The following FBXW10B variants were observed in gnomAD, a reference collection of about 807,000 sequenced individuals.
FBXW10B encodes F-box and WD repeat domain containing 10B.
chr17:15,613,267 T>C, the FBXW10B span, among the ~76,000 whole-genome samples: 3 of 150,452 alleles, frequency 2.0e-5, no homozygotes, highest in East Asian at 1.9e-4. Context: ...GTGCTCCATA[T>C]GAGGTTGATG....
chr17:15,614,252 G>T, the FBXW10B span, among the ~76,000 whole-genome samples: 3 of 152,042 alleles, frequency 2.0e-5, no homozygotes, highest in South Asian at 2.1e-4. Context: ...GTAGTGGCGC[G>T]ATCTCGGCTC....
the FBXW10B span, among the ~76,000 whole-genome samples, chr17:15,586,125 C>T: frequency 4.6e-5 from 7 of 151,638 alleles, no homozygotes; most frequent in East Asian, 1.9e-4. Flanking sequence ...CCAATTGAGA[C>T]GTCTATGGTA....
chr17:15,583,083 C>A, the FBXW10B span, among the ~76,000 whole-genome samples: 1 of 149,788 alleles, frequency 6.7e-6, no homozygotes, highest in Non-Finnish European at 1.5e-5. Flanking sequence ...CAGATCTGAT[C>A]ATTTTCTTCC....
the FBXW10B span, among the ~76,000 whole-genome samples, chr17:15,615,409 C>T: frequency 9.1e-5 from 13 of 142,460 alleles, no homozygotes; most frequent in African/African-American, 2.5e-4. Flanking sequence ...GCAAGCTCTG[C>T]CTCCCGGCTT....
At chr17:15,591,814 A>G in the FBXW10B span, among the ~76,000 whole-genome samples, 54 of 152,238 alleles carry the variant, frequency 3.5e-4, no homozygotes, top group South Asian at 1.0e-3. Context: ...GACCCTCCAC[A>G]CAGACACCAC....
At chr17:15,612,879 C>T in the FBXW10B span, 5 of 1,591,684 alleles carry the variant, frequency 3.1e-6, no homozygotes, top group Admixed American at 9.0e-5. Context: ...CTCTTGGCTC[C>T]AACTCTGCAG....
chr17:15,619,388 T>C, the FBXW10B span: 2 of 1,613,894 alleles, frequency 1.2e-6, no homozygotes, highest in Non-Finnish European at 1.7e-6. Flanking sequence ...GAACCACTCT[T>C]TGGTAGAGAA....
At chr17:15,618,255 C>A in the FBXW10B span, among the ~76,000 whole-genome samples, 1 of 151,906 alleles carries the variant, frequency 6.6e-6, no homozygotes, top group Admixed American at 6.6e-5. Flanking sequence ...TTGAACCCAG[C>A]AGGTGGAGGT....
At chr17:15,574,050 T>C in the FBXW10B span, 24 of 683,018 alleles carry the variant, frequency 3.5e-5, no homozygotes, top group African/African-American at 4.1e-4. Flanking sequence ...CTCACGCTGC[T>C]GGGAGAGGAA....
At chr17:15,596,537 T>C in the FBXW10B span, 26 of 1,604,676 alleles carry the variant, frequency 1.6e-5, no homozygotes, top group Admixed American at 2.9e-4. Flanking sequence ...GCCATGGCAA[T>C]GTGCCACACT....
the FBXW10B span, chr17:15,573,809 T>TA: frequency 1.1e-5 from 3 of 269,858 alleles, no homozygotes; most frequent in African/African-American, 6.7e-5. Flanking sequence ...ATAGTTACAG[T>TA]AAAAACCCTT....
the FBXW10B span, among the ~76,000 whole-genome samples, chr17:15,589,709 T>TA: frequency 3.3e-5 from 5 of 152,014 alleles, no homozygotes; most frequent in African/African-American, 1.2e-4. Flanking sequence ...AAGTAATTAG[T>TA]GTTTTTGACC....
the FBXW10B span, chr17:15,565,525 A>G: frequency 1.9e-6 from 3 of 1,612,224 alleles, no homozygotes; most frequent in East Asian, 4.5e-5. Context: ...TAATTTCCCA[A>G]GGCTGGTTTA....
chr17:15,601,279 G>A, the FBXW10B span, among the ~76,000 whole-genome samples: 1 of 145,152 alleles, frequency 6.9e-6, no homozygotes, highest in Admixed American at 6.9e-5. Context: ...CGTGGTGGTG[G>A]GCGCCTGTAG....
At chr17:15,612,291 A>C in the FBXW10B span, among the ~76,000 whole-genome samples, 9 of 151,998 alleles carry the variant, frequency 5.9e-5, no homozygotes, top group East Asian at 5.8e-4. Context: ...GCGGATCACA[A>C]GGTCAGGAGA....
the FBXW10B span, chr17:15,565,602 C>T: frequency 6.2e-7 from 1 of 1,614,240 alleles, no homozygotes; most frequent in East Asian, 2.2e-5. Context: ...TATCAATAGG[C>T]AGGCCTTTGA....
the FBXW10B span, among the ~76,000 whole-genome samples, chr17:15,567,373 T>C: frequency 6.6e-6 from 1 of 152,084 alleles, no homozygotes; most frequent in Non-Finnish European, 1.5e-5. Flanking sequence ...AAAAAAGGAA[T>C]TGTGATGAGC....
chr17:15,615,312 A>G, the FBXW10B span, among the ~76,000 whole-genome samples: 13 of 118,998 alleles, frequency 1.1e-4, no homozygotes, highest in African/African-American at 4.3e-4. Flanking sequence ...TTGGTTGCAT[A>G]TTGGCTTTCT....
the FBXW10B span, chr17:15,598,683 A>G: frequency 1.9e-6 from 3 of 1,601,150 alleles, no homozygotes; most frequent in Admixed American, 1.7e-5. Context: ...AGAATGTGAG[A>G]GTTCCTGAGG....
Sources: gnomAD v4.1 joint callset for allele counts (sites outside exome capture counted in the v4.1 genomes callset) on GRCh38, gnomAD v4.1.1 for gene constraint, MANE v1.5 for transcripts, NCBI Gene and HGNC (gene_info 2026-07-23, HGNC 2026-07-21) for gene names.